POPDC3: variants seen among roughly 807,000 people sequenced by gnomAD.
The protein encoded by POPDC3 is popeye domain cAMP effector 3, also known as popeye domain-containing protein 3.
POPDC3 carries 20 observed loss-of-function variants against 28.2 expected under a neutral mutation model. The observed-to-expected ratio is 0.71, with a 90% confidence interval of 0.50 to 1.03. The LOEUF (loss-of-function observed/expected upper bound fraction) is 1.03, where lower values mean the gene tolerates loss of function less well. Among genes scored for constraint, POPDC3 ranks in the 50% least tolerant of loss-of-function variants. The probability of loss-of-function intolerance (pLI) is 0.00; values close to 1 mark genes in which losing one functional copy is unlikely to be tolerated. For synonymous variants in POPDC3, 118 were observed against 124.1 expected, an observed-to-expected ratio of 0.95 and a Z score of 0.33; for missense variants, 316 against 345.9, an observed-to-expected ratio of 0.91 and a Z score of 0.69.
Position 105,161,656 on chromosome 6 carries a change from A to G in POPDC3, c.254T>C (p.Phe85Ser), listed in dbSNP as rs775216052. 37 of 1,614,116 alleles carry G rather than the reference A, an allele frequency of 2.3e-5. No homozygotes were observed. Among genetic ancestry groups the G allele is most frequent in the Non-Finnish European group, 2.3e-5 (27 of 1,180,064 alleles). The change falls in exon 2 of 4, where the codon TTT becomes TCT. Residue 85 changes from phenylalanine (F) to serine (S), a missense_variant. Coordinates refer to ENST00000254765, the MANE Select transcript of POPDC3 (RefSeq NM_022361.5). ...ADIFSWNFVLFVICFMQFVHI... is the reference protein window; with the variant it reads ...ADIFSWNFVLSVICFMQFVHI... Reference sequence around the variant, plus strand: ...AACAAATTGCATGAAGCAGATGACAAACAGTACAAAATTCCAGGAAAATAT... The same window carrying G: ...AACAAATTGCATGAAGCAGATGACAGACAGTACAAAATTCCAGGAAAATAT...
intron 1 of POPDC3, among the ~76,000 whole-genome samples, chr6:105,171,440 G>A (rs973499630): frequency 6.6e-6 from 1 of 152,022 alleles, no homozygotes; most frequent in Admixed American, 6.6e-5. Context: ...AGGCCGAGGT[G>A]GGAGGATTGC....
intron 1 of POPDC3, chr6:105,178,661 A>G (rs1007416284): frequency 2.3e-6 from 2 of 871,628 alleles, no homozygotes; most frequent in Non-Finnish European, 2.8e-6. Context: ...GATCAGCCAG[A>G]GCTCTTCATT....
At chr6:105,179,027 T>C in intron 1 of POPDC3, 1 of 985,430 alleles carries the variant, frequency 1.0e-6, no homozygotes, top group Non-Finnish European at 1.2e-6. Flanking sequence ...CTTTTCCATT[T>C]ATTATTTACA....
intron 1 of POPDC3, chr6:105,178,776 A>ACTCTCT: frequency 1.0e-6 from 1 of 985,160 alleles, no homozygotes; most frequent in Non-Finnish European, 1.2e-6. Flanking sequence ...AAGTTATTGT[A>ACTCTCT]CTCTCACAAG....
intron 1 of POPDC3, among the ~76,000 whole-genome samples, chr6:105,162,865 T>C (rs1346805795): frequency 3.9e-5 from 6 of 152,334 alleles, no homozygotes; most frequent in East Asian, 3.9e-4. Context: ...TGGTCCTCCA[T>C]GGCCCACCCT....
At position 105,161,714 on chromosome 6, in the gene POPDC3, C is replaced by T; in HGVS notation, c.196G>A (p.Val66Ile). ...GCACAGACATCTACCCAAGCCCAGA[C>T]AGCAGAACAGAGAAAACCCAACCCC... is the stretch of plus-strand genomic sequence containing the variant. ...LLGLGFLCSA[V>I]WAWVDVCAAD... The change falls in exon 2 of 4, where the codon GTC (valine) becomes ATC (isoleucine). Residue 66 changes from valine to isoleucine, a missense_variant. Physicochemically the swap from Val to Ile is conservative, Grantham distance 29. Coordinates refer to ENST00000254765, the MANE Select transcript of POPDC3 (RefSeq NM_022361.5). The T allele has an allele frequency of 6.2e-7, 1 of 1,614,148 alleles. No homozygotes were observed. Among genetic ancestry groups the T allele is most frequent in the Non-Finnish European group, 8.5e-7 (1 of 1,180,012 alleles).
At chr6:105,167,985 A>C (rs986672650) in intron 1 of POPDC3, among the ~76,000 whole-genome samples, 4 of 152,246 alleles carry the variant, frequency 2.6e-5, no homozygotes, top group African/African-American at 9.6e-5. Context: ...GCATGATGCT[A>C]TGCAAACATT....
At chr6:105,172,570 T>C (rs1264115374) in intron 1 of POPDC3, among the ~76,000 whole-genome samples, 3 of 150,780 alleles carry the variant, frequency 2.0e-5, no homozygotes, top group Non-Finnish European at 4.4e-5. Context: ...CATGCTGCTA[T>C]AAAGACACAT....
intron 2 of POPDC3, among the ~76,000 whole-genome samples, chr6:105,161,165 T>C (rs1228209947): frequency 6.6e-6 from 1 of 152,232 alleles, no homozygotes; most frequent in Non-Finnish European, 1.5e-5. Flanking sequence ...AAATATCATA[T>C]CACATAAACA....
intron 1 of POPDC3, among the ~76,000 whole-genome samples, chr6:105,172,248 GA>G (rs1185489881): frequency 6.6e-6 from 1 of 151,194 alleles, no homozygotes; most frequent in Admixed American, 6.6e-5. Flanking sequence ...CTTCTCAAAA[GA>G]AGACATTTAT....
chr6:105,173,314 G>A (rs6571221), intron 1 of POPDC3, among the ~76,000 whole-genome samples: 28,646 of 152,044 alleles, frequency 0.19, 4,289 homozygotes, highest in African/African-American at 0.42. Flanking sequence ...TTTTCTCATG[G>A]AGGTTAAATT....
At chr6:105,165,704 A>G (rs562342001) in intron 1 of POPDC3, among the ~76,000 whole-genome samples, 1 of 152,318 alleles carries the variant, frequency 6.6e-6, no homozygotes, top group Middle Eastern at 3.4e-3. Flanking sequence ...TCTGTTCACA[A>G]CCTTGAACTC....
chr6:105,164,604 C>T (rs1774420690), intron 1 of POPDC3, among the ~76,000 whole-genome samples: 3 of 152,202 alleles, frequency 2.0e-5, no homozygotes, highest in African/African-American at 4.8e-5. Flanking sequence ...CAGGAGTGTC[C>T]TTCTGACATG....
chr6:105,178,902 G>A (rs1053826795), intron 1 of POPDC3: 1 of 985,186 alleles, frequency 1.0e-6, no homozygotes, highest in African/African-American at 1.7e-5. Context: ...AAACTCAATT[G>A]CAGTTTGTAG....
At chr6:105,179,070 T>G (rs1347242490) in intron 1 of POPDC3, 1 of 985,362 alleles carries the variant, frequency 1.0e-6, no homozygotes, top group African/African-American at 1.7e-5. Flanking sequence ...AAATGTCTTC[T>G]GGCTAAATTT....
At position 105,159,796 on chromosome 6, in the gene POPDC3, T is replaced by TTTC; in HGVS notation, c.508_509insGAA (p.Glu170delinsGlyLys). On this transcript the variant is annotated protein_altering_variant, in exon 3 of 4. Coordinates refer to ENST00000254765, the MANE Select transcript of POPDC3 (RefSeq NM_022361.5). The stretch of plus-strand genomic sequence containing the variant: ...AAGGGGGAAAATGTAATGCAGAAAT[T>TTTC]CGCCATCAACTGTCACTCTGATCCT... The TTTC allele has an allele frequency of 6.2e-7, 1 of 1,612,862 alleles. No individual in the cohort carries two copies. The highest frequency in any genetic ancestry group is 8.5e-7 in the Non-Finnish European group (1 of 1,179,400).
chr6:105,170,942 T>C (rs889475133), intron 1 of POPDC3, among the ~76,000 whole-genome samples: 1 of 152,140 alleles, frequency 6.6e-6, no homozygotes, highest in Non-Finnish European at 1.5e-5. Context: ...TTGCCATTTG[T>C]GAGTTATGGT....
intron 1 of POPDC3, among the ~76,000 whole-genome samples, chr6:105,173,950 C>T (rs947476882): frequency 1.3e-5 from 2 of 151,930 alleles, no homozygotes; most frequent in Admixed American, 6.6e-5. Flanking sequence ...AAAATTGATA[C>T]AGAACTTAAC....
At chr6:105,162,893 A>G (rs1774372855) in intron 1 of POPDC3, among the ~76,000 whole-genome samples, 1 of 152,196 alleles carries the variant, frequency 6.6e-6, no homozygotes, top group African/African-American at 2.4e-5. Context: ...ATACTGTCTG[A>G]TAATAGATTA....
Sources: allele counts gnomAD v4.1 joint callset (sites outside exome capture counted in the v4.1 genomes callset), GRCh38; gene constraint gnomAD v4.1.1; transcripts MANE v1.5; gene names NCBI Gene and HGNC (gene_info 2026-07-23, HGNC 2026-07-21).